The following GDA variants were observed in gnomAD, a reference collection of about 807,000 sequenced individuals.
GDA encodes the protein cytoplasmic PSD-95 interactor.
GDA carries 18 observed loss-of-function variants against 59.6 expected under a neutral mutation model. The ratio of observed to expected loss-of-function variants is 0.30; its 90% CI spans 0.21 to 0.45. The LOEUF (loss-of-function observed/expected upper bound fraction) is 0.45. Among genes scored for constraint, GDA ranks in the 20% least tolerant of loss-of-function variants. GDA has a pLI of 1.00. For missense variants in GDA, 427 were observed against 552.3 expected, an observed-to-expected ratio of 0.77 and a Z score of 2.27; for synonymous variants, 201 against 201.1, an observed-to-expected ratio of 1.00 and a Z score of 0.00.
chr9:72,217,275 C>T (rs1400895356), intron 5 of GDA, among the ~76,000 whole-genome samples: 1 of 152,130 alleles, frequency 6.6e-6, no homozygotes, highest in African/African-American at 2.4e-5. Context: ...AGATTTTGTA[C>T]AGAATAAATA....
At chr9:72,118,560 G>T (rs1825550236) in intron 1 of GDA, among the ~76,000 whole-genome samples, 1 of 152,054 alleles carries the variant, frequency 6.6e-6, no homozygotes, top group African/African-American at 2.4e-5. Context: ...AAAGCTCTAG[G>T]AGATGCATAG....
At chr9:72,245,470 T>A (rs1194663384) in intron 12 of GDA, among the ~76,000 whole-genome samples, 192 bp downstream of exon 12, 1 of 152,190 alleles carries the variant, frequency 6.6e-6, no homozygotes, top group Non-Finnish European at 1.5e-5. Context: ...TTAACAAAAC[T>A]TTTATATTTT....
At chr9:72,147,338 G>A (rs1826678383), upstream of GDA, among the ~76,000 whole-genome samples, 1 of 152,196 alleles carries the variant, frequency 6.6e-6, no homozygotes, top group Non-Finnish European at 1.5e-5. Context: ...CTCCTGAGTA[G>A]CTGGGACTAC....
intron 5 of GDA, chr9:72,214,806 T>C: frequency 7.3e-6 from 2 of 272,272 alleles, no homozygotes; most frequent in East Asian, 1.5e-4. Flanking sequence ...CGATCTCAGC[T>C]CACTGAAACC....
chr9:72,217,214 T>A (rs922240156), intron 5 of GDA, among the ~76,000 whole-genome samples: 12 of 152,228 alleles, frequency 7.9e-5, no homozygotes, highest in Non-Finnish European at 1.5e-4. Flanking sequence ...CTAGTTCACA[T>A]CCACTTTAGA....
intron 5 of GDA, among the ~76,000 whole-genome samples, chr9:72,217,630 G>A (rs1836301372): frequency 6.6e-6 from 1 of 152,176 alleles, no homozygotes; most frequent in Non-Finnish European, 1.5e-5. Flanking sequence ...CTTGTAAAAT[G>A]AAGTAAATCA....
At chr9:72,137,895 C>G (rs1460846185) in intron 1 of GDA, among the ~76,000 whole-genome samples, 1 of 152,110 alleles carries the variant, frequency 6.6e-6, no homozygotes, top group Non-Finnish European at 1.5e-5. Context: ...TCAACAGAGA[C>G]AGGTTTATTT....
In GDA at chr9:72,129,509, G is replaced by A. The variant is rs1355101308; in HGVS notation, c.-100+14676G>A. Among the ~76,000 whole-genome samples, 3 of 152,302 alleles carry A rather than the reference G, an allele frequency of 2.0e-5. No individual in the cohort carries two copies. In the East Asian group the frequency reaches 5.8e-4, roughly 29 times the overall value. ...TCAATGGGTGTTGAATCACACATAG[G>A]ATAAGGCTGGGGAGTCATTCAAGAA... On this transcript the variant is annotated intron_variant, in intron 1 of 13. Transcript: ENST00000545168.
chr9:72,139,773 C>T (rs920157646), intron 1 of GDA, among the ~76,000 whole-genome samples: 8 of 152,158 alleles, frequency 5.3e-5, no homozygotes, highest in African/African-American at 1.4e-4. Context: ...GCATCTTACT[C>T]ATAAGAGGCA....
At chr9:72,256,428 G>A (rs1840885624), downstream of GDA, among the ~76,000 whole-genome samples, 1 of 152,194 alleles carries the variant, frequency 6.6e-6, no homozygotes, top group South Asian at 2.1e-4. Flanking sequence ...GTTTATGACA[G>A]ATGTATAGAG....
chr9:72,191,724 TACAGGTGTCCACCACC>T (rs1361048280), intron 1 of GDA, among the ~76,000 whole-genome samples: 1 of 152,158 alleles, frequency 6.6e-6, no homozygotes, highest in African/African-American at 2.4e-5. Context: ...TAGCTGGGAT[TACAGGTGTCCACCACC>T]ACACCCAGCT....
chr9:72,152,532 G>A (rs1420148076), intron 1 of GDA, among the ~76,000 whole-genome samples: 1 of 152,170 alleles, frequency 6.6e-6, no homozygotes, highest in Non-Finnish European at 1.5e-5. Flanking sequence ...GCATTTCTCT[G>A]ATGGCCAGTG....
At chr9:72,119,454 G>A (rs977111585) in intron 1 of GDA, among the ~76,000 whole-genome samples, 4 of 152,118 alleles carry the variant, frequency 2.6e-5, no homozygotes, top group African/African-American at 7.2e-5. Context: ...AGCTGTGATC[G>A]GGCCACTGCT....
intron 1 of GDA, among the ~76,000 whole-genome samples, chr9:72,138,446 C>T (rs1448336220): frequency 2.6e-5 from 4 of 152,234 alleles, no homozygotes; most frequent in African/African-American, 9.6e-5. Context: ...ACCAACTTCT[C>T]TGTATGCATC....
chr9:72,225,836 A>C, intron 8 of GDA, 52 bp downstream of exon 8: 1 of 706,482 alleles, frequency 1.4e-6, no homozygotes, highest in Non-Finnish European at 2.4e-6. Context: ...TATTTATCTC[A>C]ATTTTAAAAT....
intron 1 of GDA, among the ~76,000 whole-genome samples, chr9:72,189,789 C>T (rs7861241): frequency 0.041 from 6,212 of 152,088 alleles, 415 homozygotes; most frequent in African/African-American, 0.14. Flanking sequence ...TGCACTGAGC[C>T]AAAATCATGC....
intron 8 of GDA, among the ~76,000 whole-genome samples, chr9:72,226,082 G>T (rs1837548114): frequency 6.6e-6 from 1 of 151,468 alleles, no homozygotes; most frequent in Non-Finnish European, 1.5e-5. Flanking sequence ...AAATGTAAAG[G>T]CTTCATTGAA....
chr9:72,253,697 A>ATAAAATATC (rs1293219661), downstream of GDA: 1 of 152,166 alleles, frequency 6.6e-6, no homozygotes, highest in Non-Finnish European at 1.5e-5. Flanking sequence ...TCAATTTAGT[A>ATAAAATATC]TAAAATATCC....
intron 1 of GDA, among the ~76,000 whole-genome samples, chr9:72,178,359 T>C (rs1563953301): frequency 1.3e-5 from 2 of 152,020 alleles, no homozygotes; most frequent in Admixed American, 1.3e-4. Flanking sequence ...ATCAGATTCA[T>C]GCAAAGCAAA....
Sources: gnomAD v4.1 joint callset for allele counts (sites outside exome capture counted in the v4.1 genomes callset) on GRCh38, gnomAD v4.1.1 for gene constraint, MANE v1.5 for transcripts, NCBI Gene and HGNC (gene_info 2026-07-23, HGNC 2026-07-21) for gene names.